The following ARHGAP6 variants were observed in gnomAD, a reference collection of about 807,000 sequenced individuals.
ARHGAP6 encodes the protein rho GTPase-activating protein 6.
Under a neutral mutation model 55.7 loss-of-function variants are expected in ARHGAP6, and 16 were observed. That is an observed-to-expected ratio of 0.29 (90% CI 0.19 to 0.44). The LOEUF is 0.44. Among genes scored for constraint, ARHGAP6 ranks in the 20% least tolerant of loss-of-function variants. The pLI, the probability that ARHGAP6 is intolerant of heterozygous loss-of-function variation, is 1.00. For missense variants in ARHGAP6, 698 were observed against 808.9 expected (o/e 0.86, Z 1.66); for synonymous variants, 382 against 360.9 (o/e 1.06, Z -0.66).
At chrX:11,602,899 T>G (rs753110984) in intron 1 of ARHGAP6, among the ~76,000 whole-genome samples, 1 of 112,578 alleles carries the variant, frequency 8.9e-6, no homozygotes, top group Non-Finnish European at 1.9e-5. Flanking sequence ...CTCAACTCAC[T>G]TGAGTGCTTA....
In ARHGAP6 at chrX:11,353,770, T is replaced by A. The variant is rs73496998; in HGVS notation, c.589-99063A>T. ...CTATTTTAGTTCTCTCTTCCCTAAT[T>A]GTTCTGCCTCCTCTCTGTACTTTCT... On this transcript the variant is annotated intron_variant, in intron 1 of 12. Coordinates refer to ENST00000337414, the MANE Select transcript of ARHGAP6 (RefSeq NM_013427.3). Among the ~76,000 whole-genome samples the A allele has an allele frequency of 7.0e-3, 781 of 111,141 alleles. 7 individuals are homozygous for A. The highest frequency in any genetic ancestry group is 0.024 in the African/African-American group (745 of 30,560).
chrX:11,419,488 A>G (rs1243006018), intron 1 of ARHGAP6, among the ~76,000 whole-genome samples: 1 of 112,346 alleles, frequency 8.9e-6, no homozygotes, highest in African/African-American at 3.2e-5. Context: ...ATGTGCATAG[A>G]TACCCACAGA....
intron 1 of ARHGAP6, among the ~76,000 whole-genome samples, chrX:11,630,129 A>G (rs1194660699): frequency 9.0e-6 from 1 of 111,483 alleles, no homozygotes; most frequent in Non-Finnish European, 1.9e-5. Context: ...TAGGATCAAC[A>G]AAAATGTATT....
chrX:11,630,555 A>C (rs1486458663), intron 1 of ARHGAP6, among the ~76,000 whole-genome samples: 1 of 112,377 alleles, frequency 8.9e-6, no homozygotes, highest in Non-Finnish European at 1.9e-5. Flanking sequence ...TGCCTAGTGC[A>C]GTTAGCAAGA....
chrX:11,354,266 G>GCTCTCT (rs1182351194), intron 1 of ARHGAP6, among the ~76,000 whole-genome samples: 1 of 73,157 alleles, frequency 1.4e-5, no homozygotes, highest in Non-Finnish European at 2.6e-5. Flanking sequence ...CATGGAAAGA[G>GCTCTCT]CTCTCTCTCT....
At chrX:11,534,131 G>T (rs1199689138) in intron 1 of ARHGAP6, among the ~76,000 whole-genome samples, 1 of 111,246 alleles carries the variant, frequency 9.0e-6, no homozygotes, top group Non-Finnish European at 1.9e-5. Context: ...TTATCTCTGT[G>T]GGCGATAAAG....
At chrX:11,520,131 TTATATATATATA>T (rs1160731443) in intron 1 of ARHGAP6, among the ~76,000 whole-genome samples, 602 of 18,254 alleles carry the variant, frequency 0.033, 18 homozygotes, top group African/African-American at 0.04. Flanking sequence ...AGAATTGATT[TTATATATATATA>T]TATATATATA....
At chrX:11,319,045 A>G (rs1053715835) in intron 1 of ARHGAP6, among the ~76,000 whole-genome samples, 4 of 112,469 alleles carry the variant, frequency 3.6e-5, no homozygotes, top group African/African-American at 1.3e-4. Context: ...CCTAGAGAAA[A>G]GAACAGCTTT....
chrX:11,208,160 A>G (rs1221021713), intron 2 of ARHGAP6, among the ~76,000 whole-genome samples: 2 of 111,570 alleles, frequency 1.8e-5, no homozygotes, highest in Middle Eastern at 9.2e-3. Flanking sequence ...AATTTGGAAG[A>G]TGTGGAATCA....
intron 1 of ARHGAP6, among the ~76,000 whole-genome samples, chrX:11,492,313 T>TA (rs751235930): frequency 3.6e-3 from 406 of 111,803 alleles, no homozygotes; most frequent in African/African-American, 0.012. Flanking sequence ...GGTAAAGACT[T>TA]AAACGTTAGA....
At chrX:11,417,830 C>T (rs768019067) in intron 1 of ARHGAP6, among the ~76,000 whole-genome samples, 2 of 111,490 alleles carry the variant, frequency 1.8e-5, no homozygotes, top group Admixed American at 9.5e-5. Flanking sequence ...GCTGTGTGGC[C>T]CTGAAACAGA....
At chrX:11,649,143 C>A (rs1015068304) in intron 1 of ARHGAP6, among the ~76,000 whole-genome samples, 1 of 111,924 alleles carries the variant, frequency 8.9e-6, no homozygotes, top group African/African-American at 3.3e-5. Context: ...TCACTCTGAT[C>A]AAATACCATT....
intron 1 of ARHGAP6, among the ~76,000 whole-genome samples, chrX:11,349,044 T>C (rs913230481): frequency 1.2e-5 from 1 of 82,519 alleles, no homozygotes; most frequent in African/African-American, 5.8e-5. Flanking sequence ...GTTATTCCTG[T>C]TTTTTTTTTT....
chrX:11,664,351 C>A lies in ARHGAP6; in HGVS notation c.478G>T (p.Gly160Trp). 2 of 1,212,161 alleles carry A rather than the reference C, an allele frequency of 1.6e-6. No individual in the cohort carries two copies. The highest frequency in any genetic ancestry group is 1.8e-5 in the South Asian group (1 of 56,980). The change falls in exon 1 of 13, where the codon GGG becomes TGG. Residue 160 changes from glycine to tryptophan, a missense_variant. Physicochemically the swap from Gly to Trp is radical, Grantham distance 184 (BLOSUM62 -2). Transcript: ENST00000337414. ...RSASSILCSS[G>W]GGPNGIFASP... Reference sequence around the variant, plus strand: ...GCGAAGATGCCATTGGGGCCTCCCCCGGATGAACAGAGGATGCTGGAAGCG... The same window carrying A: ...GCGAAGATGCCATTGGGGCCTCCCCAGGATGAACAGAGGATGCTGGAAGCG...
intron 1 of ARHGAP6, among the ~76,000 whole-genome samples, chrX:11,282,185 G>C (rs979878030): frequency 2.7e-5 from 3 of 112,131 alleles, no homozygotes; most frequent in Non-Finnish European, 5.6e-5. Flanking sequence ...TCAGAGGAAG[G>C]AAAAATCAAA....
intron 1 of ARHGAP6, among the ~76,000 whole-genome samples, chrX:11,526,646 T>G (rs1205280439): frequency 8.9e-6 from 1 of 111,854 alleles, no homozygotes; most frequent in East Asian, 2.8e-4. Context: ...ACATGACTGC[T>G]TTGAGGTGGT....
chrX:11,467,111 T>C (rs1289638155), intron 1 of ARHGAP6, among the ~76,000 whole-genome samples: 1 of 111,423 alleles, frequency 9.0e-6, no homozygotes, highest in Non-Finnish European at 1.9e-5. Context: ...GGCTTGCCCA[T>C]GGTAACAAGT....
chrX:11,220,718 C>T (rs1216646319), intron 2 of ARHGAP6, among the ~76,000 whole-genome samples: 5 of 109,853 alleles, frequency 4.6e-5, no homozygotes, highest in African/African-American at 1.7e-4. Context: ...GAAGAAACTG[C>T]ATCGACTAAC....
chrX:11,144,364 CAA>C (rs1245835820), intron 10 of ARHGAP6, 116 bp from the exon 11 acceptor site: 19 of 977,865 alleles, frequency 1.9e-5, no homozygotes, highest in African/African-American at 1.7e-4. Flanking sequence ...CGGGCTGAAA[CAA>C]AAAGACCATT....
Sources: gnomAD v4.1 joint callset for allele counts (sites outside exome capture counted in the v4.1 genomes callset) on GRCh38, gnomAD v4.1.1 for gene constraint, MANE v1.5 for transcripts, NCBI Gene and HGNC (gene_info 2026-07-23, HGNC 2026-07-21) for gene names.